Variants in GRIK2 observed in about 807,000 individuals in gnomAD.
The protein encoded by GRIK2 is glutamate ionotropic receptor kainate type subunit 2, also known as glutamate receptor ionotropic, kainate 2.
In GRIK2, 32 loss-of-function variants were observed where a neutral mutation model predicts 100.3. The observed-to-expected ratio is 0.32, with a 90% CI of 0.24 to 0.43. The LOEUF is 0.43. GRIK2 is among the 20% of genes least tolerant of loss of function. The pLI is 1.00. For missense variants in GRIK2, 843 were observed against 1,114.9 expected (o/e 0.76, Z 3.47); for synonymous variants, 417 against 389.4 (o/e 1.07, Z -0.83).
chr6:101,934,646 A>G (rs1431648164), intron 14 of GRIK2, among the ~76,000 whole-genome samples: 1 of 151,934 alleles, frequency 6.6e-6, no homozygotes, highest in Admixed American at 6.6e-5. Flanking sequence ...CTAAAAACAT[A>G]TACTATTCAT....
At chr6:101,789,847 G>GT (rs1294625912) in intron 7 of GRIK2, among the ~76,000 whole-genome samples, 1 of 152,188 alleles carries the variant, frequency 6.6e-6, no homozygotes, top group Non-Finnish European at 1.5e-5. Flanking sequence ...AGCATGGAAT[G>GT]TTCTTCCATT....
chr6:101,749,039 C>T (rs975181436), intron 7 of GRIK2, among the ~76,000 whole-genome samples: 1 of 151,962 alleles, frequency 6.6e-6, no homozygotes, highest in Admixed American at 6.6e-5. Context: ...TATTAAGCAC[C>T]TGGAATAAGA....
At chr6:101,817,082 A>G (rs897142171) in intron 9 of GRIK2, among the ~76,000 whole-genome samples, 1 of 152,188 alleles carries the variant, frequency 6.6e-6, no homozygotes, top group Non-Finnish European at 1.5e-5. Flanking sequence ...ATTAGGCTCC[A>G]TCTTTAGGAC....
intron 14 of GRIK2, among the ~76,000 whole-genome samples, chr6:102,025,360 G>C (rs13210976): frequency 0.27 from 40,898 of 150,936 alleles, 5,935 homozygotes; most frequent in East Asian, 0.34. Flanking sequence ...TAAGTATAAA[G>C]AGGAAATACA....
intron 7 of GRIK2, among the ~76,000 whole-genome samples, chr6:101,769,932 C>T (rs972500610): frequency 1.1e-4 from 17 of 152,036 alleles, no homozygotes; most frequent in Admixed American, 3.9e-4. Context: ...ATCGCCAGTC[C>T]GAGGTTAGAC....
rs1772172169 is a variant in GRIK2, at chr6:102,069,607, T to C, written c.*1096T>C. On this transcript the variant is annotated 3_prime_UTR_variant, in exon 17 of 17. Coordinates refer to ENST00000369134, the MANE Select transcript of GRIK2 (RefSeq NM_021956.5). ...GCGTTTATCAATACAGTCACAATGT[T>C]AAATGAACAAAATTCTTGAACAGTT... 1 of 151,964 alleles carries C rather than the reference T, an allele frequency of 6.6e-6. No homozygotes were observed. Among genetic ancestry groups the C allele is most frequent in the Non-Finnish European group, 1.5e-5 (1 of 67,956 alleles). The allele number at this position is 151,964 out of a possible 1,614,324, so 9.4% of individuals were successfully genotyped here. A position where few individuals can be genotyped will look rare whatever the true frequency, so the allele number is the denominator to read the frequency against.
At chr6:101,986,664 G>A (rs562128714) in intron 14 of GRIK2, among the ~76,000 whole-genome samples, 8 of 151,828 alleles carry the variant, frequency 5.3e-5, no homozygotes, top group Admixed American at 2.0e-4. Flanking sequence ...ATGAACTGAC[G>A]GAACTGTGGA....
At chr6:101,579,854 A>C (rs1370677552) in intron 2 of GRIK2, among the ~76,000 whole-genome samples, 4 of 151,458 alleles carry the variant, frequency 2.6e-5, no homozygotes, top group African/African-American at 9.7e-5. Flanking sequence ...TGTCTTAAAA[A>C]AAAAAAAAAA....
rs540692238 is a variant in GRIK2 at position 101,964,283 on chromosome 6, TATAAC to T, written c.2085+35655_2085+35659del. Reference sequence around the variant, plus strand: ...ATTAGGTACATGATTTTGTGTATGATATAACATATATGTATATTATTATATTATTG... The same window carrying T: ...ATTAGGTACATGATTTTGTGTATGATATATATGTATATTATTATATTATTG... On this transcript the variant is annotated intron_variant, in intron 14 of 16. Transcript: ENST00000369134. 1.6e-4 allele frequency among the ~76,000 whole-genome samples: 24 copies of T among 151,986 alleles called. No individual in the cohort carries two copies. In the South Asian group the frequency reaches 4.6e-3, roughly 29 times the overall value.
chr6:101,699,999 A>G lies in GRIK2; in HGVS notation c.951+13646A>G, dbSNP rs187468940. Among the ~76,000 whole-genome samples, 5 of 152,058 alleles carry G rather than the reference A, an allele frequency of 3.3e-5. No individual in the cohort carries two copies. In the East Asian group the frequency reaches 9.8e-4, roughly 30 times the overall value. ...CCGTTTCTACAAACAAAATGGAAAA[A>G]ATTAGCCTGGCATAGTTTCACACGC... On this transcript the variant is annotated intron_variant, in intron 7 of 16. Transcript: ENST00000369134.
At chr6:101,664,708 A>C (rs2128335476) in intron 4 of GRIK2, among the ~76,000 whole-genome samples, 1 of 152,304 alleles carries the variant, frequency 6.6e-6, no homozygotes, top group South Asian at 2.1e-4. Context: ...GTCTGTTCCC[A>C]CACTGCTAAT....
At chr6:101,885,911 C>G (rs1159625325) in intron 11 of GRIK2, among the ~76,000 whole-genome samples, 2 of 152,006 alleles carry the variant, frequency 1.3e-5, no homozygotes, top group Non-Finnish European at 2.9e-5. Flanking sequence ...ATTATTGATA[C>G]ATTTATGATT....
In GRIK2 at chr6:101,996,160, T is replaced by C. The variant is rs368057484; in HGVS notation, c.2086-39181T>C. ...TTCTAAGGTTGTTCTAAAATTGTTC[T>C]AAATTTCTGGCTATGCCGAAGTTCA... On this transcript the variant is annotated intron_variant, in intron 14 of 16. Coordinates refer to ENST00000369134, the MANE Select transcript of GRIK2 (RefSeq NM_021956.5). Among the ~76,000 whole-genome samples, 220 of 152,200 alleles carry C rather than the reference T, an allele frequency of 1.4e-3. 1 individual carries two copies. The highest frequency in any genetic ancestry group is 4.3e-3 in the African/African-American group (179 of 41,558).
chr6:101,923,269 G>A (rs929233641), intron 12 of GRIK2, among the ~76,000 whole-genome samples: 2 of 151,868 alleles, frequency 1.3e-5, no homozygotes, highest in Non-Finnish European at 2.9e-5. Context: ...TTCACAAAGC[G>A]GACATATTCT....
At chr6:102,059,783 C>A (rs775703269) in intron 16 of GRIK2, among the ~76,000 whole-genome samples, 27 of 150,428 alleles carry the variant, frequency 1.8e-4, no homozygotes, top group Non-Finnish European at 3.1e-4. Flanking sequence ...GCAAGAACAG[C>A]AACATAACTT....
intron 7 of GRIK2, among the ~76,000 whole-genome samples, chr6:101,781,513 A>G (rs952813829): frequency 2.0e-5 from 3 of 152,146 alleles, no homozygotes; most frequent in Non-Finnish European, 4.4e-5. Context: ...CAGTCACCAT[A>G]ATGTGTTCTG....
intron 2 of GRIK2, among the ~76,000 whole-genome samples, chr6:101,414,490 CT>C (rs1444993440): frequency 2.6e-5 from 4 of 152,014 alleles, no homozygotes; most frequent in South Asian, 2.1e-4. Flanking sequence ...CAGATCCCCC[CT>C]GGAAGTCCCC....
intron 14 of GRIK2, among the ~76,000 whole-genome samples, chr6:101,937,479 G>A (rs1348241941): frequency 6.6e-6 from 1 of 152,054 alleles, no homozygotes; most frequent in Non-Finnish European, 1.5e-5. Flanking sequence ...CCACTGGTTA[G>A]GCAACATTCT....
chr6:101,530,822 T>G (rs2128284618), intron 2 of GRIK2, among the ~76,000 whole-genome samples: 1 of 152,044 alleles, frequency 6.6e-6, no homozygotes, highest in East Asian at 1.9e-4. Context: ...GGAATGAAAG[T>G]GCAGCAGAGA....
Sources: allele counts gnomAD v4.1 joint callset (sites outside exome capture counted in the v4.1 genomes callset), GRCh38; gene constraint gnomAD v4.1.1; transcripts MANE v1.5; gene names NCBI Gene and HGNC (gene_info 2026-07-23, HGNC 2026-07-21).